The following CBX1 variants were observed in gnomAD, a reference collection of about 807,000 sequenced individuals.
CBX1 encodes the protein chromobox protein homolog 1.
CBX1 carries 10 observed loss-of-function variants against 25.1 expected under a neutral mutation model. That is an observed-to-expected ratio of 0.40 (90% CI 0.25 to 0.68). The LOEUF (loss-of-function observed/expected upper bound fraction) is 0.68. Among genes scored for constraint, CBX1 ranks in the 30% least tolerant of loss-of-function variants. CBX1 has a pLI of 0.40. For missense variants in CBX1, 106 were observed against 218.5 expected (o/e 0.49, Z 3.25); for synonymous variants, 63 against 79.4 (o/e 0.79, Z 1.10).
chr17:48,081,673 C>T (rs1436452273), intron 1 of CBX1, among the ~76,000 whole-genome samples: 2 of 152,120 alleles, frequency 1.3e-5, no homozygotes, highest in African/African-American at 4.8e-5. Flanking sequence ...AACTCCTGAC[C>T]TCAGGTGATC....
intron 4 of CBX1, 28 bp downstream of exon 4, chr17:48,074,978 A>C (rs753674268): frequency 1.1e-5 from 16 of 1,508,722 alleles, no homozygotes; most frequent in East Asian, 6.8e-5. Context: ...GAAAAAAAAC[A>C]ACCACACAGA....
chr17:48,077,490 G>T (rs1297929832), intron 1 of CBX1, among the ~76,000 whole-genome samples: 2 of 126,808 alleles, frequency 1.6e-5, no homozygotes, highest in Admixed American at 8.5e-5. Context: ...ATTTCACTAT[G>T]TGTTGGCCAG....
intron 1 of CBX1, among the ~76,000 whole-genome samples, chr17:48,098,565 T>C (rs1598319630): frequency 6.6e-6 from 1 of 152,100 alleles, no homozygotes; most frequent in Admixed American, 6.6e-5. Flanking sequence ...TAGCGCGATC[T>C]CGGCTCATGG....
chr17:48,087,203 A>G (rs1487673385), intron 1 of CBX1, among the ~76,000 whole-genome samples: 1 of 145,598 alleles, frequency 6.9e-6, no homozygotes, highest in Non-Finnish European at 1.6e-5. Flanking sequence ...AAAAAAAAAG[A>G]AAAGAATTCA....
chr17:48,101,225 G>T (rs2063408459), intron 1 of CBX1, 43 bp downstream of exon 1: 2 of 989,972 alleles, frequency 2.0e-6, no homozygotes, highest in Non-Finnish European at 2.4e-6. Flanking sequence ...CGCCGCCGCC[G>T]CGCCCCCTCC....
intron 1 of CBX1, among the ~76,000 whole-genome samples, chr17:48,097,296 G>A (rs1598318658): frequency 1.3e-5 from 2 of 151,088 alleles, no homozygotes; most frequent in East Asian, 3.9e-4. Flanking sequence ...ACCCCATAAG[G>A]ATACACCATT....
intron 1 of CBX1, chr17:48,095,789 T>C (rs2063371422): frequency 6.6e-6 from 1 of 152,270 alleles, no homozygotes; most frequent in Admixed American, 6.5e-5. Flanking sequence ...GCTTGTAGTC[T>C]GTAAGCTGTG....
intron 1 of CBX1, among the ~76,000 whole-genome samples, chr17:48,093,350 G>C (rs2063355166): frequency 6.7e-6 from 1 of 149,756 alleles, no homozygotes; most frequent in African/African-American, 2.4e-5. Context: ...GGTAAACAAT[G>C]CAAGTTCAAG....
intron 1 of CBX1, among the ~76,000 whole-genome samples, chr17:48,098,314 G>A (rs2063387355): frequency 6.6e-6 from 1 of 151,986 alleles, no homozygotes; most frequent in Non-Finnish European, 1.5e-5. Context: ...GACAAACATG[G>A]CAAAGCAACA....
chr17:48,074,794 A>T (rs555849699), intron 4 of CBX1: 1 of 502,230 alleles, frequency 2.0e-6, no homozygotes, highest in East Asian at 2.9e-5. Context: ...TCCTAAAAAT[A>T]TGGGCAAAGA....
chr17:48,075,135 ATATGGGACTAT>A, intron 3 of CBX1, 35 bp from the exon 4 acceptor site: 1 of 1,299,766 alleles, frequency 7.7e-7, no homozygotes, highest in East Asian at 2.3e-5. Context: ...AATTTTATCT[ATATGGGACTAT>A]TATCCAGACT....
chr17:48,091,983 C>CTTTTTTTTTTTTTTTTTTTTTTTTT (rs56277117), intron 1 of CBX1, among the ~76,000 whole-genome samples: 1 of 62,916 alleles, frequency 1.6e-5, no homozygotes. Context: ...CCAGCCAGAT[C>CTTTTTTTTTTTTTTTTTTTTTTTTT]TTTTTTTTTT....
intron 1 of CBX1, among the ~76,000 whole-genome samples, chr17:48,095,131 C>G (rs2063366954): frequency 6.6e-6 from 1 of 152,130 alleles, no homozygotes; most frequent in Non-Finnish European, 1.5e-5. Flanking sequence ...CAAGACCCAG[C>G]TTAAAAATGC....
intron 1 of CBX1, among the ~76,000 whole-genome samples, chr17:48,083,063 T>C (rs926673477): frequency 6.8e-6 from 1 of 147,538 alleles, no homozygotes; most frequent in African/African-American, 2.6e-5. Flanking sequence ...ACAGAGTTTC[T>C]CCATGTTGGT....
At chr17:48,089,452 G>T (rs1269476449) in intron 1 of CBX1, among the ~76,000 whole-genome samples, 1 of 150,290 alleles carries the variant, frequency 6.7e-6, no homozygotes, top group African/African-American at 2.4e-5. Flanking sequence ...AACATTCTTG[G>T]ATAAAAGCTA....
At chr17:48,086,357 A>G (rs1395428346) in intron 1 of CBX1, among the ~76,000 whole-genome samples, 1 of 152,206 alleles carries the variant, frequency 6.6e-6, no homozygotes, top group Non-Finnish European at 1.5e-5. Flanking sequence ...AGGGTACGAG[A>G]AGGCTTCAAG....
intron 1 of CBX1, among the ~76,000 whole-genome samples, chr17:48,077,430 G>GTTTT (rs1225892452): frequency 1.8e-5 from 1 of 56,440 alleles, no homozygotes; most frequent in African/African-American, 1.0e-4. Flanking sequence ...GCTAATTTTT[G>GTTTT]TTGTTTTTTT....
intron 1 of CBX1, among the ~76,000 whole-genome samples, chr17:48,092,572 G>C (rs1436332639): frequency 6.6e-6 from 1 of 151,304 alleles, no homozygotes; most frequent in Non-Finnish European, 1.5e-5. Context: ...TCCTGCCTCA[G>C]CCTCCTGAGT....
intron 1 of CBX1, among the ~76,000 whole-genome samples, chr17:48,089,705 C>T (rs2063333737): frequency 6.8e-6 from 1 of 147,322 alleles, no homozygotes; most frequent in Non-Finnish European, 1.5e-5. Context: ...TATCTGTAAT[C>T]CCAGCTACTC....
Sources: allele counts gnomAD v4.1 joint callset (sites outside exome capture counted in the v4.1 genomes callset), GRCh38; gene constraint gnomAD v4.1.1; transcripts MANE v1.5; gene names NCBI Gene and HGNC (gene_info 2026-07-23, HGNC 2026-07-21).